NELL1: variants seen among roughly 807,000 people sequenced by gnomAD.
NELL1 encodes the protein neural EGFL like 1.
Under a neutral mutation model 107.4 loss-of-function variants are expected in NELL1, and 76 were observed. The ratio of observed to expected loss-of-function variants is 0.71; its 90% CI spans 0.59 to 0.86. The LOEUF (loss-of-function observed/expected upper bound fraction) is 0.86. Among genes scored for constraint, NELL1 ranks in the 40% least tolerant of loss-of-function variants. The pLI, the probability that NELL1 is intolerant of heterozygous loss-of-function variation, is 0.00. For missense variants in NELL1, 1,024 were observed against 1,005.5 expected (o/e 1.02, Z -0.25); for synonymous variants, 353 against 341.2 (o/e 1.03, Z -0.38).
At chr11:20,910,386 A>G (rs1459972066) in intron 5 of NELL1, among the ~76,000 whole-genome samples, 1 of 152,210 alleles carries the variant, frequency 6.6e-6, no homozygotes, top group Non-Finnish European at 1.5e-5. Context: ...GAGGGTGTAC[A>G]AAGTCACTGT....
At chr11:21,140,401 T>C (rs2133770823) in intron 13 of NELL1, among the ~76,000 whole-genome samples, 1 of 152,350 alleles carries the variant, frequency 6.6e-6, no homozygotes, top group South Asian at 2.1e-4. Context: ...TGTGAGAGTT[T>C]AATGAGATCA....
chr11:21,552,427 CTACTT>C (rs1303911545), intron 16 of NELL1, among the ~76,000 whole-genome samples: 1 of 151,614 alleles, frequency 6.6e-6, no homozygotes, highest in Non-Finnish European at 1.5e-5. Context: ...TGTTAGTGAC[CTACTT>C]TGGTTTTCCT....
At chr11:21,354,958 A>G (rs551643950) in intron 14 of NELL1, among the ~76,000 whole-genome samples, 1 of 152,250 alleles carries the variant, frequency 6.6e-6, no homozygotes, top group East Asian at 1.9e-4. Context: ...TTTCTCTTCA[A>G]CTGCTTTTCA....
At chr11:21,407,091 T>G (rs1852254674) in intron 15 of NELL1, among the ~76,000 whole-genome samples, 1 of 152,012 alleles carries the variant, frequency 6.6e-6, no homozygotes, top group Non-Finnish European at 1.5e-5. Context: ...ATTGTTAGTA[T>G]CCAATAAATT....
chr11:21,026,169 G>T (rs1852809375), intron 12 of NELL1, among the ~76,000 whole-genome samples: 1 of 152,026 alleles, frequency 6.6e-6, no homozygotes, highest in Admixed American at 6.6e-5. Context: ...TTGTAAATCA[G>T]ATCATGTTAT....
chr11:20,705,703 G>T (rs908608003), intron 2 of NELL1, among the ~76,000 whole-genome samples: 6 of 146,962 alleles, frequency 4.1e-5, no homozygotes. Flanking sequence ...CACAGCAAAA[G>T]AAACTACCAT....
intron 12 of NELL1, among the ~76,000 whole-genome samples, chr11:21,087,074 C>T (rs190484311): frequency 1.7e-3 from 264 of 152,188 alleles, no homozygotes; most frequent in African/African-American, 6.0e-3. Context: ...CTCCTGACCT[C>T]GTGATCCGCA....
At chr11:20,937,954 T>C in intron 10 of NELL1, 95 bp downstream of exon 10, 1 of 1,185,956 alleles carries the variant, frequency 8.4e-7, no homozygotes, top group Non-Finnish European at 1.3e-6. Flanking sequence ...CATATTGGCC[T>C]GGATAGGGCC....
At chr11:21,134,620 G>A (rs1855702343) in intron 13 of NELL1, among the ~76,000 whole-genome samples, 1 of 152,140 alleles carries the variant, frequency 6.6e-6, no homozygotes, top group Admixed American at 6.5e-5. Flanking sequence ...TGTGCACTGA[G>A]GGTAGATGGA....
At chr11:20,944,330 A>T (rs1340813182) in intron 10 of NELL1, among the ~76,000 whole-genome samples, 7 of 151,246 alleles carry the variant, frequency 4.6e-5, no homozygotes, top group Non-Finnish European at 1.0e-4. Context: ...AATTAACATA[A>T]TTTTTAAAAA....
chr11:20,953,750 C>G (rs1217568411), intron 11 of NELL1, among the ~76,000 whole-genome samples: 2 of 152,084 alleles, frequency 1.3e-5, no homozygotes, highest in African/African-American at 4.8e-5. Flanking sequence ...TATTCTTTGT[C>G]CAGCCAACCT....
chr11:20,800,816 T>C (rs1290177462), intron 3 of NELL1, among the ~76,000 whole-genome samples: 169 of 152,262 alleles, frequency 1.1e-3, no homozygotes, highest in Non-Finnish European at 1.2e-4. Context: ...ATGGGGCTGA[T>C]GATATTGAGA....
In NELL1 at chr11:20,754,124, A is replaced by G. The variant is rs148600819; in HGVS notation, c.185-29556A>G. 3.6e-3 allele frequency among the ~76,000 whole-genome samples: 544 copies of G among 152,256 alleles called. 3 individuals are homozygous for G. Among genetic ancestry groups the G allele is most frequent in the Non-Finnish European group, 5.9e-3 (398 of 68,020 alleles). ...GAAAGTGGGTGAGTGGTGGATCTCCAGAGGAAAATCACTGTGTAGCTACCA... is the reference window on the plus strand; with the variant it reads ...GAAAGTGGGTGAGTGGTGGATCTCCGGAGGAAAATCACTGTGTAGCTACCA... On this transcript the variant is annotated intron_variant, in intron 2 of 19. Transcript: ENST00000357134.
chr11:20,731,488 T>A (rs1855642848), intron 2 of NELL1, among the ~76,000 whole-genome samples: 1 of 152,170 alleles, frequency 6.6e-6, no homozygotes, highest in Admixed American at 6.5e-5. Flanking sequence ...AAAGGTGGAA[T>A]TGTGTGTGTG....
chr11:20,768,265 A>G (rs2133965432), intron 2 of NELL1, among the ~76,000 whole-genome samples: 1 of 152,222 alleles, frequency 6.6e-6, no homozygotes, highest in African/African-American at 2.4e-5. Flanking sequence ...TAGGTCCAGT[A>G]AGCTGAGAGT....
Position 20,759,771 on chromosome 11 carries a change from C to T in NELL1, c.185-23909C>T, listed in dbSNP as rs189676997. Among the ~76,000 whole-genome samples the T allele has an allele frequency of 2.1e-3, 324 of 152,304 alleles. 1 individual carries two copies. Among genetic ancestry groups the T allele is most frequent in the Non-Finnish European group, 3.4e-3 (233 of 68,014 alleles). On this transcript the variant is annotated intron_variant, in intron 2 of 19. Coordinates refer to ENST00000357134, the MANE Select transcript of NELL1 (RefSeq NM_006157.5). ...CCAGAGATGCAGGTCTTTAGAGATA[C>T]TGTTGGAGACAGAGGTGTCCTCCCC...
intron 4 of NELL1, among the ~76,000 whole-genome samples, chr11:20,856,245 C>A (rs987834045): frequency 3.3e-5 from 5 of 152,164 alleles, no homozygotes; most frequent in Non-Finnish European, 5.9e-5. Flanking sequence ...AGTGTTTCTG[C>A]CAGCAAGGGT....
chr11:21,515,492 T>C (rs1181759297), intron 15 of NELL1, among the ~76,000 whole-genome samples: 2 of 152,158 alleles, frequency 1.3e-5, no homozygotes, highest in Non-Finnish European at 2.9e-5. Context: ...ACCTAGCATA[T>C]TATGTTATAA....
chr11:21,483,297 G>C (rs184310891), intron 15 of NELL1, among the ~76,000 whole-genome samples: 3 of 152,066 alleles, frequency 2.0e-5, no homozygotes, highest in African/African-American at 7.2e-5. Context: ...GAATATAGTC[G>C]ACAGAACTGC....
Sources: allele counts gnomAD v4.1 joint callset (sites outside exome capture counted in the v4.1 genomes callset), GRCh38; gene constraint gnomAD v4.1.1; transcripts MANE v1.5; gene names NCBI Gene and HGNC (gene_info 2026-07-23, HGNC 2026-07-21).